The following IPO9 variants were observed in gnomAD, a reference collection of about 807,000 sequenced individuals.
IPO9 encodes importin 9.
Under a neutral mutation model 128.6 loss-of-function variants are expected in IPO9, and 28 were observed. The observed-to-expected ratio is 0.22, with a 90% CI of 0.16 to 0.30. IPO9 has a LOEUF of 0.30. IPO9 is among the 10% of genes least tolerant of loss of function. The pLI is 1.00. For missense variants in IPO9, 935 were observed against 1,293.9 expected, an observed-to-expected ratio of 0.72 and a Z score of 4.26; for synonymous variants, 455 against 475.8, an observed-to-expected ratio of 0.96 and a Z score of 0.57.
intron 1 of IPO9, among the ~76,000 whole-genome samples, chr1:201,833,911 C>G (rs1041673772): frequency 6.6e-6 from 1 of 152,130 alleles, no homozygotes; most frequent in East Asian, 1.9e-4. Flanking sequence ...CTCAGCCTCC[C>G]AAGTGGCTGT....
Position 201,873,622 on chromosome 1 carries a change from C to T in IPO9, c.2711-628C>T, listed in dbSNP as rs1346185184. Among the ~76,000 whole-genome samples the T allele has an allele frequency of 3.9e-5, 6 of 151,930 alleles. 1 individual carries two copies. Among genetic ancestry groups the T allele is most frequent in the African/African-American group, 1.4e-4 (6 of 41,412 alleles). On this transcript the variant is annotated intron_variant, in intron 20 of 23. Coordinates refer to ENST00000361565, the MANE Select transcript of IPO9 (RefSeq NM_018085.5). Reference sequence around the variant, plus strand: ...GTTAGCCAGGCATGGTGGCGCATGCCTGTAATCCCAGCTACTCGGGAGGCT... The same window carrying T: ...GTTAGCCAGGCATGGTGGCGCATGCTTGTAATCCCAGCTACTCGGGAGGCT...
intron 20 of IPO9, 31 bp from the exon 21 acceptor site, chr1:201,874,217 ACT>A (rs1558225948): frequency 6.2e-7 from 1 of 1,611,680 alleles, no homozygotes; most frequent in Non-Finnish European, 8.5e-7. Context: ...GCTCAGTGAC[ACT>A]CTGACTTGAA....
Position 201,852,131 on chromosome 1 carries a change from A to G in IPO9, c.542A>G (p.Gln181Arg). ...TTCACTCGTGAAGTAACAGACACACAGATGCCACTTGTTGCTCCTGTCATT... is the reference window on the plus strand; with the variant it reads ...TTCACTCGTGAAGTAACAGACACACGGATGCCACTTGTTGCTCCTGTCATT... ...TEFTREVTDT[Q>R]MPLVAPVILP... The change falls in exon 5 of 24, where the codon CAG (glutamine) becomes CGG (arginine). Residue 181 changes from glutamine to arginine, a missense_variant. By Grantham distance (43) the Gln-to-Arg change is conservative (BLOSUM62 1). Around this residue, in one of 3 missense-constraint regions of IPO9, gnomAD observed 741 missense variants for 1,019.1 expected, o/e 0.73. Transcript: ENST00000361565. 1 of 1,612,920 alleles carries G rather than the reference A, an allele frequency of 6.2e-7. No homozygotes were observed. The highest frequency in any genetic ancestry group is 8.5e-7 in the Non-Finnish European group (1 of 1,178,974).
chr1:201,845,462 G>T (rs1441333910), intron 1 of IPO9, among the ~76,000 whole-genome samples: 1 of 152,222 alleles, frequency 6.6e-6, no homozygotes, highest in African/African-American at 2.4e-5. Context: ...CCAAAGGGAA[G>T]TGATGAGCCT....
chr1:201,864,798 TTTTG>T (rs755219867), intron 14 of IPO9, among the ~76,000 whole-genome samples: 27 of 152,316 alleles, frequency 1.8e-4, no homozygotes, highest in East Asian at 9.6e-4. Context: ...ATATAAAATA[TTTTG>T]TTTGTTTGTT....
chr1:201,855,931 G>A lies in IPO9; in HGVS notation c.1119G>A (p.Glu373=). The part of the protein sequence containing the change: ...YIILYMQITE[E]QIKVWTANPQ... Reference sequence around the variant, plus strand: ...TCCTGTACATGCAAATCACTGAGGAGCAGGTAAATAATATTTGAGAGACAG... The same window carrying A: ...TCCTGTACATGCAAATCACTGAGGAACAGGTAAATAATATTTGAGAGACAG... The change falls in exon 10 of 24, where the codon GAG becomes GAA. Residue 373 remains glutamate, a synonymous_variant. Transcript: ENST00000361565. 6.3e-7 allele frequency: 1 copy of A among 1,576,736 alleles called. No homozygotes were observed. The highest frequency in any genetic ancestry group is 8.6e-7 in the Non-Finnish European group (1 of 1,168,246).
intron 6 of IPO9, among the ~76,000 whole-genome samples, chr1:201,853,370 G>A (rs1346773037): frequency 6.6e-6 from 1 of 151,502 alleles, no homozygotes; most frequent in Non-Finnish European, 1.5e-5. Context: ...CTACAGGTGT[G>A]GTGTGCACCA....
At chr1:201,854,411 T>G (rs1680281364) in intron 6 of IPO9, among the ~76,000 whole-genome samples, 184 bp from the exon 7 acceptor site, 1 of 152,192 alleles carries the variant, frequency 6.6e-6, no homozygotes, top group African/African-American at 2.4e-5. Flanking sequence ...GAACTGCAAG[T>G]GCTGGTTAAG....
chr1:201,860,016 A>G (rs1405563681), intron 13 of IPO9, among the ~76,000 whole-genome samples: 20 of 151,706 alleles, frequency 1.3e-4, no homozygotes, highest in Non-Finnish European at 1.3e-4. Flanking sequence ...AATACAGAGC[A>G]GTAGCTGAGA....
chr1:201,829,641 C>G, intron 1 of IPO9: 1 of 349,122 alleles, frequency 2.9e-6, no homozygotes, highest in South Asian at 5.0e-5. Flanking sequence ...CTAGAATCTG[C>G]AGGGGACGGA....
chr1:201,877,393 C>T lies in IPO9; in HGVS notation c.*1339C>T, dbSNP rs1680784877. On this transcript the variant is annotated 3_prime_UTR_variant, in exon 24 of 24. Transcript: ENST00000361565. ...GGTGCATGCCTGTAATCCCAGTTAA[C>T]TTGAGATGCTGAGGCAGGAGAATCG... 1 of 151,978 alleles carries T rather than the reference C, an allele frequency of 6.6e-6. No individual in the cohort carries two copies. The highest frequency in any genetic ancestry group is 1.5e-5 in the Non-Finnish European group (1 of 68,026). The allele number at this position is 151,978 out of a possible 1,614,324, so 9.4% of individuals were successfully genotyped here.
chr1:201,832,669 C>G (rs1220729624), intron 1 of IPO9, among the ~76,000 whole-genome samples: 1 of 152,206 alleles, frequency 6.6e-6, no homozygotes, highest in African/African-American at 2.4e-5. Flanking sequence ...GGCCCAGGAT[C>G]AGGTGACAAC....
At chr1:201,861,834 G>A (rs1680452944) in intron 13 of IPO9, among the ~76,000 whole-genome samples, 2 of 152,194 alleles carry the variant, frequency 1.3e-5, no homozygotes, top group African/African-American at 2.4e-5. Context: ...TAACATGTAA[G>A]AACACTAAAG....
At chr1:201,832,460 T>C (rs1408792190) in intron 1 of IPO9, among the ~76,000 whole-genome samples, 1 of 152,180 alleles carries the variant, frequency 6.6e-6, no homozygotes. Context: ...AGTTTAGCCA[T>C]GTTGCCCAGG....
intron 3 of IPO9, 90 bp from the exon 4 acceptor site, chr1:201,848,303 T>C (rs1680156013): frequency 3.7e-6 from 4 of 1,094,728 alleles, no homozygotes; most frequent in Middle Eastern, 4.0e-4. Flanking sequence ...CTTGTACTCA[T>C]TGTTTTTCCA....
chr1:201,864,206 C>T (rs1680508293), intron 14 of IPO9, among the ~76,000 whole-genome samples: 1 of 152,194 alleles, frequency 6.6e-6, no homozygotes, highest in Non-Finnish European at 1.5e-5. Context: ...CATGTGCCTG[C>T]CCTGTCTTAT....
rs1680845017 is a variant in IPO9, at chr1:201,879,555, A to G, written c.*3501A>G. 1 of 152,220 alleles carries G rather than the reference A, an allele frequency of 6.6e-6. No homozygotes were observed. The highest frequency in any genetic ancestry group is 1.5e-5 in the Non-Finnish European group (1 of 68,034). 9.4% of individuals were successfully genotyped at this position (152,220 alleles called of 1,614,324 possible). A position where few individuals can be genotyped will look rare whatever the true frequency, so the allele number is the denominator to read the frequency against. On this transcript the variant is annotated 3_prime_UTR_variant, in exon 24 of 24. Coordinates refer to ENST00000361565, the MANE Select transcript of IPO9 (RefSeq NM_018085.5). The stretch of plus-strand genomic sequence containing the variant: ...TTAGGAGTGCTGATCAAATTTTTAG[A>G]TAATAAGAAACCCTTAGGAAGGATG...
chr1:201,874,538 C>T (rs373061103), intron 21 of IPO9, among the ~76,000 whole-genome samples, 166 bp downstream of exon 21: 3 of 152,242 alleles, frequency 2.0e-5, no homozygotes, highest in Non-Finnish European at 4.4e-5. Context: ...AGAGCTGCTT[C>T]TCCAGTCTGC....
rs1680612355 is a variant in IPO9, at chr1:201,869,595, C to T, written c.2010C>T (p.Ala670=). The change falls in exon 17 of 24, where the codon GCC becomes GCT. Residue 670 remains alanine (A), a synonymous_variant. Transcript: ENST00000361565. ...DKIPAGLCAT[A]IDILTTVVRN... is the part of the protein sequence containing the mutation. ...CTTTTTCTTCTCTCTTTCAGACAGC[C>T]ATTGATATCCTGACAACAGTAGTAC... is the stretch of plus-strand genomic sequence containing the variant. 8.7e-6 allele frequency: 14 copies of T among 1,614,042 alleles called. No homozygotes were observed. The highest frequency in any genetic ancestry group is 1.2e-5 in the Non-Finnish European group (14 of 1,179,990).
Sources: allele counts gnomAD v4.1 joint callset (sites outside exome capture counted in the v4.1 genomes callset), GRCh38; gene constraint gnomAD v4.1.1; regional missense constraint gnomAD v4.1.1; transcripts MANE v1.5; gene names NCBI Gene and HGNC (gene_info 2026-07-23, HGNC 2026-07-21).